The following NOMO3 variants were observed in gnomAD, a reference collection of about 807,000 sequenced individuals.
NOMO3 encodes NODAL modulator 3.
In NOMO3, 15 loss-of-function variants were observed where a neutral mutation model predicts 69.9. The observed-to-expected ratio is 0.21, with a 90% CI of 0.14 to 0.33. NOMO3 has a LOEUF of 0.33. NOMO3 is among the 10% of genes least tolerant of loss of function. NOMO3 has a pLI of 1.00. For missense variants in NOMO3, 218 were observed against 761.0 expected (o/e 0.29, Z 8.39); for synonymous variants, 89 against 301.9 (o/e 0.29, Z 7.31).
Position 16,263,152 on chromosome 16 carries a change from C to T in NOMO3, c.1474C>T (p.Pro492Ser), listed in dbSNP as rs774429218. The T allele has an allele frequency of 1.8e-5, 28 of 1,590,778 alleles. 9 individuals carry two copies. The East Asian group carries it at 6.1e-4, about 35-fold the overall frequency. Residue 492 changes from proline to serine, a missense_variant, in exon 13 of 31, where the codon CCT (proline) becomes TCT (serine). Transcript: ENST00000399336. ...QTFPLTVTDR[P>S]VMDVAFVQFL... Reference sequence around the variant, plus strand: ...ATTTCCTCTTACTGTGACCGACAGGCCTGTGATGGATGTGGCCTTTGTACA... The same window carrying T: ...ATTTCCTCTTACTGTGACCGACAGGTCTGTGATGGATGTGGCCTTTGTACA...
intron 3 of NOMO3, among the ~76,000 whole-genome samples, chr16:16,242,616 A>C (rs1204170592): frequency 7.0e-6 from 1 of 141,938 alleles, no homozygotes; most frequent in Non-Finnish European, 1.5e-5. Context: ...GGCTGAGCTC[A>C]TGTCCTTGGT....
At chr16:16,263,007 C>A in intron 12 of NOMO3, 67 bp from the exon 13 acceptor site, 1 of 1,572,890 alleles carries the variant, frequency 6.4e-7, no homozygotes, top group Non-Finnish European at 8.6e-7. Flanking sequence ...AATGTTCTAG[C>A]GCCCTGTAGG....
Position 16,243,274 on chromosome 16 carries a change from A to G in NOMO3, c.402+13A>G, listed in dbSNP as rs2049388968. 1.3e-6 allele frequency: 1 copy of G among 776,978 alleles called. No individual in the cohort carries two copies. Among genetic ancestry groups the G allele is most frequent in the Non-Finnish European group, 2.0e-6 (1 of 500,068 alleles). The allele number at this position is 776,978 out of a possible 1,614,324, so 48.1% of individuals were successfully genotyped here. A position where few individuals can be genotyped will look rare whatever the true frequency, so the allele number is the denominator to read the frequency against. ...TGTGAATGGCAAGGTTTGTCTTTGG[A>G]ACTTGATTATTTTTCCTGTTCACTC... On this transcript the variant is annotated intron_variant, in intron 4 of 30. Transcript: ENST00000399336.
At chr16:16,269,134 A>G (rs1368305355) in intron 16 of NOMO3, among the ~76,000 whole-genome samples, 1 of 143,856 alleles carries the variant, frequency 7.0e-6, no homozygotes, top group African/African-American at 2.9e-5. Flanking sequence ...CTTCTTACCC[A>G]TCAGTTCAGT....
chr16:16,263,469 C>T (rs1188261116), intron 13 of NOMO3, 44 bp from the exon 14 acceptor site: 8 of 759,946 alleles, frequency 1.1e-5, no homozygotes, highest in Middle Eastern at 3.9e-4. Context: ...TGTGCTGAAG[C>T]CTTATAAGGG....
In NOMO3 at chr16:16,264,799, C is replaced by T. The variant is rs546598769; in HGVS notation, c.1670-244C>T. 2.4e-4 allele frequency among the ~76,000 whole-genome samples: 33 copies of T among 136,926 alleles called. 5 individuals are homozygous for T. Among genetic ancestry groups the T allele is most frequent in the Non-Finnish European group, 4.1e-4 (27 of 65,062 alleles). The allele number at this position is 136,926 out of a possible 152,430, so 89.8% of individuals were successfully genotyped here. A position where few individuals can be genotyped will look rare whatever the true frequency, so the allele number is the denominator to read the frequency against. ...CTGGCTTCAAGCCATCCACTGCCGTCGGCCTCCCAGAGTGCTGGGATTATA... is the reference window on the plus strand; with the variant it reads ...CTGGCTTCAAGCCATCCACTGCCGTTGGCCTCCCAGAGTGCTGGGATTATA... On this transcript the variant is annotated intron_variant, in intron 14 of 30. Transcript: ENST00000399336.
rs1191412471 is a variant in NOMO3 at position 16,237,991 on chromosome 16, T to A, written c.255+1001T>A. Reference sequence around the variant, plus strand: ...ATCGATATGTATCCACAAACACCTCTATACAATCCCATCCTCCCACATATA... The same window carrying A: ...ATCGATATGTATCCACAAACACCTCAATACAATCCCATCCTCCCACATATA... On this transcript the variant is annotated intron_variant, in intron 2 of 30. Coordinates refer to ENST00000399336, the MANE Select transcript of NOMO3 (RefSeq NM_001004067.4). 1.4e-5 allele frequency among the ~76,000 whole-genome samples: 2 copies of A among 143,734 alleles called. 1 individual carries two copies. The highest frequency in any genetic ancestry group is 5.6e-5 in the African/African-American group (2 of 35,578). The allele number at this position is 143,734 out of a possible 152,430, so 94.3% of individuals were successfully genotyped here. A position where few individuals can be genotyped will look rare whatever the true frequency, so the allele number is the denominator to read the frequency against.
chr16:16,255,968 T>C lies in NOMO3; in HGVS notation c.1070-40T>C, dbSNP rs368423087. On this transcript the variant is annotated intron_variant, in intron 10 of 30. Transcript: ENST00000399336. ...GTGTACATGTAAGGATACACTGTTG[T>C]TTTTGGCTTATCTTCTGTTTGTGTG... 1.0e-4 allele frequency: 164 copies of C among 1,577,226 alleles called. 36 individuals carry two copies. In the African/African-American group the frequency reaches 2.6e-3, roughly 25 times the overall value.
At chr16:16,258,789 C>T (rs1333119185) in intron 11 of NOMO3, among the ~76,000 whole-genome samples, 1 of 141,352 alleles carries the variant, frequency 7.1e-6, no homozygotes, top group African/African-American at 3.0e-5. Flanking sequence ...CGCTTGAACC[C>T]GAGAGGCAGG....
chr16:16,263,339 C>A, intron 13 of NOMO3, 124 bp downstream of exon 13: 1 of 1,580,942 alleles, frequency 6.3e-7, no homozygotes, highest in Non-Finnish European at 8.5e-7. Flanking sequence ...GCGAGGGAGG[C>A]TTCTTGGAGT....
chr16:16,243,866 C>G lies in NOMO3; in HGVS notation c.402+605C>G, dbSNP rs948775664. 2.1e-5 allele frequency among the ~76,000 whole-genome samples: 3 copies of G among 143,954 alleles called. 1 individual carries two copies. The highest frequency in any genetic ancestry group is 6.8e-5 in the Admixed American group (1 of 14,772). 94.4% of individuals were successfully genotyped at this position (143,954 alleles called of 152,430 possible). ...CAGGGATGGCCTTTTACAGGGATGC[C>G]GAATTGGAAGGACACACTCTCTAAG... On this transcript the variant is annotated intron_variant, in intron 4 of 30. Transcript: ENST00000399336.
Position 16,263,577 on chromosome 16 carries a change from C to G in NOMO3, c.1602C>G (p.Leu534=). The change falls in exon 14 of 31, where the codon CTC becomes CTG. Residue 534 remains leucine (L), a synonymous_variant. Transcript: ENST00000399336. ...GCCGCCAGGGTGAGAAGCGGAGCCT[C>G]CAGCTCTCCGGCAAGGTCAACGCCA... ...SLSRQGEKRS[L]QLSGKVNAMT... 1.1e-6 allele frequency: 1 copy of G among 885,946 alleles called. No homozygotes were observed. Among genetic ancestry groups the G allele is most frequent in the Non-Finnish European group, 1.6e-6 (1 of 612,656 alleles). The allele number at this position is 885,946 out of a possible 1,614,324, so 54.9% of individuals were successfully genotyped here.
chr16:16,248,888 G>A (rs2049439541), intron 6 of NOMO3, among the ~76,000 whole-genome samples: 2 of 152,040 alleles, frequency 1.3e-5, no homozygotes, highest in South Asian at 4.1e-4. Flanking sequence ...ATCTTGAATT[G>A]TATTTTTTTA....
At position 16,240,215 on chromosome 16, in the gene NOMO3, T is replaced by C. The variant is rs2049364231; in HGVS notation, c.301+319T>C. Among the ~76,000 whole-genome samples the C allele has an allele frequency of 1.4e-5, 2 of 144,806 alleles. 1 individual carries two copies. The highest frequency in any genetic ancestry group is 5.5e-5 in the African/African-American group (2 of 36,192). The allele number at this position is 144,806 out of a possible 152,430, so 95.0% of individuals were successfully genotyped here. Reference sequence around the variant, plus strand: ...ATCAAGAGTGGGGACTTGGTTCCCATCCCAGGATGGCTTCTTTTTTAGCCC... The same window carrying C: ...ATCAAGAGTGGGGACTTGGTTCCCACCCCAGGATGGCTTCTTTTTTAGCCC... On this transcript the variant is annotated intron_variant, in intron 3 of 30. Coordinates refer to ENST00000399336, the MANE Select transcript of NOMO3 (RefSeq NM_001004067.4).
chr16:16,239,536 G>A (rs1205192375), intron 2 of NOMO3, among the ~76,000 whole-genome samples: 2 of 141,058 alleles, frequency 1.4e-5, no homozygotes, highest in East Asian at 4.3e-4. Flanking sequence ...GGGCTTAATG[G>A]GAGACTCAAT....
chr16:16,274,259 T>TTGGATGGATGGATGGATGGATGGATGGA (rs879029300), intron 20 of NOMO3, among the ~76,000 whole-genome samples, 184 bp downstream of exon 20: 2 of 117,378 alleles, frequency 1.7e-5, no homozygotes, highest in Non-Finnish European at 3.4e-5. Flanking sequence ...GATGGTTGGG[T>TTGGATGGATGGATGGATGGATGGATGGA]TGGATGGATG....
rs1358041341 is a variant in NOMO3 at position 16,244,173 on chromosome 16, TCTC to T, written c.403-891_403-889del. On this transcript the variant is annotated intron_variant, in intron 4 of 30. Transcript: ENST00000399336. Reference sequence around the variant, plus strand: ...TCCTTCTCTTCATGATGGACTTCTTTCTCCTCTACCTTTGCGGTGACGGGGAGG... The same window carrying T: ...TCCTTCTCTTCATGATGGACTTCTTTCTCTACCTTTGCGGTGACGGGGAGG... Among the ~76,000 whole-genome samples, 2 of 142,168 alleles carry T rather than the reference TCTC, an allele frequency of 1.4e-5. 1 individual carries two copies. Among genetic ancestry groups the T allele is most frequent in the African/African-American group, 5.7e-5 (2 of 34,816 alleles). The allele number at this position is 142,168 out of a possible 152,430, so 93.3% of individuals were successfully genotyped here.
rs554793920 is a variant in NOMO3, at chr16:16,241,448, C to T, written c.301+1552C>T. ...TTTTCTTTTTTTTGAGACTGAGTCT[C>T]GCTCTGTTGCCCAGGCTGGAGTGTG... On this transcript the variant is annotated intron_variant, in intron 3 of 30. Coordinates refer to ENST00000399336, the MANE Select transcript of NOMO3 (RefSeq NM_001004067.4). Among the ~76,000 whole-genome samples, 3 of 136,162 alleles carry T rather than the reference C, an allele frequency of 2.2e-5. 1 individual carries two copies. The highest frequency in any genetic ancestry group is 4.8e-4 in the East Asian group (2 of 4,140). 89.3% of individuals were successfully genotyped at this position (136,162 alleles called of 152,430 possible). A position where few individuals can be genotyped will look rare whatever the true frequency, so the allele number is the denominator to read the frequency against.
chr16:16,267,467 C>G (rs1338892542), intron 16 of NOMO3, among the ~76,000 whole-genome samples: 1 of 142,600 alleles, frequency 7.0e-6, no homozygotes, highest in Non-Finnish European at 1.5e-5. Flanking sequence ...TGGAGTCTTG[C>G]TCTGTCACCC....
Sources: gnomAD v4.1 joint callset for allele counts (sites outside exome capture counted in the v4.1 genomes callset) on GRCh38, gnomAD v4.1.1 for gene constraint, MANE v1.5 for transcripts, NCBI Gene and HGNC (gene_info 2026-07-23, HGNC 2026-07-21) for gene names.